PDE10A: variants seen among roughly 807,000 people sequenced by gnomAD.
PDE10A encodes phosphodiesterase 10A, also known as cAMP and cAMP-inhibited cGMP 3',5'-cyclic phosphodiesterase 10A.
In PDE10A, 39 loss-of-function variants were observed where a neutral mutation model predicts 97.7. The ratio of observed to expected loss-of-function variants is 0.40; its 90% CI spans 0.31 to 0.52. The LOEUF is 0.52. PDE10A is among the 20% of genes least tolerant of loss of function. The pLI is 0.56. For synonymous variants in PDE10A, 371 were observed against 376.8 expected, an observed-to-expected ratio of 0.98 and a Z score of 0.18; for missense variants, 731 against 1,047.8, an observed-to-expected ratio of 0.70 and a Z score of 4.17.
rs1045717537 is a variant in PDE10A, at chr6:165,595,104, G to A, written c.866-51536C>T. Among the ~76,000 whole-genome samples, 3 of 152,290 alleles carry A rather than the reference G, an allele frequency of 2.0e-5. No homozygotes were observed. The East Asian group carries it at 5.8e-4, about 30-fold the overall frequency. On this transcript the variant is annotated intron_variant, in intron 1 of 21. Transcript: ENST00000539869. ...GGACTGCAGGAGCCTGGCAATCCCAGCCATCACTGGGTTTAAGGCCCAGGT... is the reference window on the plus strand; with the variant it reads ...GGACTGCAGGAGCCTGGCAATCCCAACCATCACTGGGTTTAAGGCCCAGGT...
At chr6:165,548,250 A>G (rs1348623258) in intron 1 of PDE10A, among the ~76,000 whole-genome samples, 2 of 149,394 alleles carry the variant, frequency 1.3e-5, no homozygotes, top group East Asian at 3.9e-4. Context: ...TTTTAATTCC[A>G]TCAAAAATAT....
At chr6:165,616,669 C>T (rs1787740683) in intron 1 of PDE10A, among the ~76,000 whole-genome samples, 1 of 152,160 alleles carries the variant, frequency 6.6e-6, no homozygotes, top group Non-Finnish European at 1.5e-5. Context: ...CTAGCTTCTT[C>T]TAGCACAAAT....
intron 3 of PDE10A, among the ~76,000 whole-genome samples, chr6:165,461,483 T>C (rs1172608393): frequency 6.6e-6 from 1 of 152,240 alleles, no homozygotes; most frequent in African/African-American, 2.4e-5. Context: ...CTTGTAGCTG[T>C]AATTGAGGTA....
In PDE10A at chr6:165,629,521, C is replaced by CTT. The variant is rs35760840; in HGVS notation, c.865+32424_865+32425dup. ...TAGAGAATGAAGGAATATTAACAAC[C>CTT]TTTTTTTTTTTTTTTTTTTTTTAAA... is the stretch of plus-strand genomic sequence containing the variant. On this transcript the variant is annotated intron_variant, in intron 1 of 21. Transcript: ENST00000539869. 7.2e-3 allele frequency among the ~76,000 whole-genome samples: 944 copies of CTT among 131,632 alleles called. 11 individuals carry two copies. The highest frequency in any genetic ancestry group is 0.026 in the African/African-American group (895 of 34,626). 86.4% of individuals were successfully genotyped at this position (131,632 alleles called of 152,430 possible).
At chr6:165,612,078 A>G (rs764987381) in intron 1 of PDE10A, among the ~76,000 whole-genome samples, 1 of 152,240 alleles carries the variant, frequency 6.6e-6, no homozygotes, top group Admixed American at 6.5e-5. Flanking sequence ...GTGAACAATC[A>G]TTATTAACGA....
At chr6:165,495,815 T>C (rs1171561769) in intron 2 of PDE10A, among the ~76,000 whole-genome samples, 1 of 152,202 alleles carries the variant, frequency 6.6e-6, no homozygotes, top group Non-Finnish European at 1.5e-5. Context: ...AAATATTTAC[T>C]GAGCACCTAC....
intron 1 of PDE10A, among the ~76,000 whole-genome samples, chr6:165,771,837 G>A (rs1237669967): frequency 6.6e-6 from 1 of 152,178 alleles, no homozygotes; most frequent in Non-Finnish European, 1.5e-5. Flanking sequence ...ATGCTAGGTG[G>A]CCTGTGGGGC....
At chr6:165,807,762 G>A (rs550816100) in intron 1 of PDE10A, among the ~76,000 whole-genome samples, 58 of 152,240 alleles carry the variant, frequency 3.8e-4, no homozygotes, top group Non-Finnish European at 6.8e-4. Context: ...TCACCTAACG[G>A]AAAGGTCACC....
intron 3 of PDE10A, among the ~76,000 whole-genome samples, chr6:165,461,756 C>A (rs1380330952): frequency 1.3e-5 from 2 of 152,214 alleles, no homozygotes; most frequent in Non-Finnish European, 2.9e-5. Flanking sequence ...ATATCTAATG[C>A]TAGACACTTT....
intron 2 of PDE10A, among the ~76,000 whole-genome samples, chr6:165,491,367 A>G (rs1780217575): frequency 6.6e-6 from 1 of 152,168 alleles, no homozygotes; most frequent in East Asian, 1.9e-4. Context: ...GAAACAATGG[A>G]CTTAAACTAC....
intron 1 of PDE10A, among the ~76,000 whole-genome samples, chr6:165,731,010 C>A (rs558027980): frequency 1.3e-5 from 2 of 152,306 alleles, no homozygotes; most frequent in Admixed American, 1.3e-4. Context: ...TGTGCCACTG[C>A]ACTCCAGCCT....
At chr6:165,871,453 G>A (rs549033334) in intron 1 of PDE10A, among the ~76,000 whole-genome samples, 1 of 152,294 alleles carries the variant, frequency 6.6e-6, no homozygotes, top group African/African-American at 2.4e-5. Context: ...GGTGAATGCA[G>A]GGGGACAGGA....
intron 18 of PDE10A, among the ~76,000 whole-genome samples, chr6:165,367,224 T>A (rs763058966): frequency 5.3e-5 from 7 of 131,626 alleles, no homozygotes; most frequent in Non-Finnish European, 7.9e-5. Flanking sequence ...TACATATATA[T>A]ATATACACAC....
intron 1 of PDE10A, among the ~76,000 whole-genome samples, chr6:165,911,282 C>A (rs1251708668): frequency 1.3e-5 from 2 of 152,250 alleles, no homozygotes; most frequent in African/African-American, 4.8e-5. Flanking sequence ...ACATTAAAAA[C>A]GATTTATTGC....
chr6:165,534,482 A>G (rs1422119984), intron 2 of PDE10A, among the ~76,000 whole-genome samples: 2 of 152,068 alleles, frequency 1.3e-5, no homozygotes, highest in African/African-American at 4.8e-5. Context: ...AAAACCAGAC[A>G]AAAACACAAC....
At chr6:165,771,658 A>T (rs1778014771) in intron 1 of PDE10A, among the ~76,000 whole-genome samples, 1 of 52,090 alleles carries the variant, frequency 1.9e-5, no homozygotes, top group East Asian at 5.8e-4. Flanking sequence ...ACAAGATAAA[A>T]AAAAAAAAAA....
chr6:165,604,469 C>G (rs1015952551), intron 1 of PDE10A, among the ~76,000 whole-genome samples: 14 of 148,338 alleles, frequency 9.4e-5, no homozygotes, highest in Admixed American at 2.7e-4. Flanking sequence ...TGAGTGTCCA[C>G]AAGCTACCTG....
intron 1 of PDE10A, among the ~76,000 whole-genome samples, chr6:165,702,517 AAAG>A (rs1791604618): frequency 1.3e-5 from 2 of 152,366 alleles, no homozygotes; most frequent in South Asian, 2.1e-4. Context: ...CAAGCCCCAC[AAAG>A]AAGAAGGAAC....
chr6:165,892,667 C>T (rs1562785802), intron 1 of PDE10A, among the ~76,000 whole-genome samples: 1 of 152,218 alleles, frequency 6.6e-6, no homozygotes, highest in Non-Finnish European at 1.5e-5. Flanking sequence ...CCGTGTCTCC[C>T]TCCCCGGCCC....
Sources: allele counts gnomAD v4.1 joint callset (sites outside exome capture counted in the v4.1 genomes callset), GRCh38; gene constraint gnomAD v4.1.1; transcripts MANE v1.5; gene names NCBI Gene and HGNC (gene_info 2026-07-23, HGNC 2026-07-21).